The following DRC10 variants were observed in gnomAD, a reference collection of about 807,000 sequenced individuals.
DRC10 encodes dynein regulatory complex subunit 10, also known as IQ domain-containing protein D.
the DRC10 span, among the ~76,000 whole-genome samples, chr12:113,211,855 C>T: frequency 1.3e-5 from 2 of 151,736 alleles, no homozygotes; most frequent in African/African-American, 4.8e-5. Context: ...TCCTTGAGCC[C>T]AGGAGTTCAA....
At chr12:113,200,434 C>T in the DRC10 span, 1 of 756,418 alleles carries the variant, frequency 1.3e-6, no homozygotes, top group Non-Finnish European at 2.3e-6. Context: ...CTCCTGTGCC[C>T]TTCCCCTCCA....
the DRC10 span, among the ~76,000 whole-genome samples, chr12:113,197,936 G>A: frequency 6.6e-6 from 1 of 152,244 alleles, no homozygotes; most frequent in Non-Finnish European, 1.5e-5. Context: ...ACAGAAATCA[G>A]CCTGGCGTGG....
At chr12:113,202,289 A>G in the DRC10 span, among the ~76,000 whole-genome samples, 2 of 151,484 alleles carry the variant, frequency 1.3e-5, no homozygotes, top group African/African-American at 2.5e-5. Context: ...ACACACACAT[A>G]TGTTATCCAC....
chr12:113,214,508 A>C, the DRC10 span, among the ~76,000 whole-genome samples: 3 of 118,894 alleles, frequency 2.5e-5, no homozygotes, highest in Non-Finnish European at 5.3e-5. Context: ...ACTCCGTCTC[A>C]AAAAAAAAAA....
chr12:113,207,331 G>T, the DRC10 span: 4 of 926,614 alleles, frequency 4.3e-6, no homozygotes, highest in Non-Finnish European at 7.1e-6. Flanking sequence ...CTGGACAACA[G>T]AGCGAGACTC....
At chr12:113,200,330 G>C in the DRC10 span, 2 of 658,428 alleles carry the variant, frequency 3.0e-6, no homozygotes, top group East Asian at 3.0e-5. Context: ...CAGCAATGCT[G>C]GGACAGGATC....
the DRC10 span, among the ~76,000 whole-genome samples, chr12:113,204,090 A>G: frequency 6.6e-6 from 1 of 152,166 alleles, no homozygotes; most frequent in Non-Finnish European, 1.5e-5. Context: ...AAATGTAAAA[A>G]ATTAGCCAAG....
chr12:113,217,301 G>A, the DRC10 span, among the ~76,000 whole-genome samples: 1 of 151,718 alleles, frequency 6.6e-6, no homozygotes, highest in African/African-American at 2.4e-5. Context: ...CACCTTTCCT[G>A]CATAGTACTA....
chr12:113,217,678 C>G, the DRC10 span, among the ~76,000 whole-genome samples: 1 of 151,882 alleles, frequency 6.6e-6, no homozygotes, highest in Non-Finnish European at 1.5e-5. Flanking sequence ...ATTACAGGTG[C>G]GTGTTACCAC....
At chr12:113,217,554 C>A in the DRC10 span, among the ~76,000 whole-genome samples, 1 of 152,218 alleles carries the variant, frequency 6.6e-6, no homozygotes, top group African/African-American at 2.4e-5. Context: ...GTTTTTGAAA[C>A]TGAGTCTCGC....
the DRC10 span, among the ~76,000 whole-genome samples, chr12:113,214,402 A>G: frequency 1.3e-5 from 2 of 149,138 alleles, no homozygotes; most frequent in Non-Finnish European, 3.0e-5. Context: ...ACTACTTGGG[A>G]GGCTGAGGCA....
chr12:113,208,083 T>C, the DRC10 span: 21 of 1,614,084 alleles, frequency 1.3e-5, no homozygotes, highest in African/African-American at 2.5e-4. Context: ...CAGCTGGCCT[T>C]TTAGATGGGT....
the DRC10 span, chr12:113,200,464 G>T: frequency 1.2e-6 from 1 of 859,810 alleles, no homozygotes; most frequent in Non-Finnish European, 1.9e-6. Context: ...TTCCTGAGTA[G>T]CTGGTGCAGT....
At chr12:113,206,908 A>T in the DRC10 span, among the ~76,000 whole-genome samples, 1 of 152,054 alleles carries the variant, frequency 6.6e-6, no homozygotes, top group Admixed American at 6.6e-5. Flanking sequence ...AACAATCAAA[A>T]AATTAGCCAG....
the DRC10 span, among the ~76,000 whole-genome samples, chr12:113,211,771 C>T: frequency 6.6e-6 from 1 of 152,010 alleles, no homozygotes; most frequent in Non-Finnish European, 1.5e-5. Context: ...TTCCTGAAGA[C>T]AAAGTTTTAG....
chr12:113,204,604 G>A, the DRC10 span, among the ~76,000 whole-genome samples: 1,525 of 152,362 alleles, frequency 0.01, 30 homozygotes, highest in African/African-American at 0.034. Flanking sequence ...AAAGCCTAAT[G>A]TTTTTACTAT....
At chr12:113,199,475 T>G in the DRC10 span, among the ~76,000 whole-genome samples, 2,519 of 152,268 alleles carry the variant, frequency 0.017, 53 homozygotes, top group African/African-American at 0.057. Context: ...GCACCATGGG[T>G]AGGCCGGCTT....
the DRC10 span, chr12:113,197,619 A>G: frequency 0.066 from 99,057 of 1,506,008 alleles, 3,762 homozygotes; most frequent in East Asian, 0.073. Flanking sequence ...TCTTCTAGAA[A>G]AGATCCAATT....
At chr12:113,216,902 A>G in the DRC10 span, among the ~76,000 whole-genome samples, 2 of 152,112 alleles carry the variant, frequency 1.3e-5, no homozygotes, top group African/African-American at 4.8e-5. Context: ...AAGCCTGGCT[A>G]TCATGGTGAA....
Sources: gnomAD v4.1 joint callset for allele counts (sites outside exome capture counted in the v4.1 genomes callset) on GRCh38, gnomAD v4.1.1 for gene constraint, MANE v1.5 for transcripts, NCBI Gene and HGNC (gene_info 2026-07-23, HGNC 2026-07-21) for gene names.